The following SGO2 variants were observed in gnomAD, a reference collection of about 807,000 sequenced individuals.
The protein encoded by SGO2 is shugoshin 2, also known as shugoshin-like 2.
Under a neutral mutation model 99.5 loss-of-function variants are expected in SGO2, and 68 were observed. The observed-to-expected ratio is 0.68, with a 90% CI of 0.56 to 0.84. The LOEUF is 0.84. Ranked by LOEUF, SGO2 falls within the 40% of genes least tolerant of loss-of-function variation. The probability of loss-of-function intolerance (pLI) is 0.00; values close to 1 mark genes in which losing one functional copy is unlikely to be tolerated. For missense variants in SGO2, 1,350 were observed against 1,436.7 expected (o/e 0.94, Z 0.97); for synonymous variants, 457 against 487.1 (o/e 0.94, Z 0.81).
At chr2:200,576,302 G>A (rs2033661228) in intron 8 of SGO2, among the ~76,000 whole-genome samples, 1 of 150,956 alleles carries the variant, frequency 6.6e-6, no homozygotes, top group South Asian at 2.1e-4. Context: ...TAGACCAGAT[G>A]TGGTGGCTCA....
intron 8 of SGO2, among the ~76,000 whole-genome samples, chr2:200,578,216 A>T (rs2033730054): frequency 2.2e-5 from 3 of 136,390 alleles, no homozygotes; most frequent in Non-Finnish European, 4.8e-5. Context: ...TCTATAGATG[A>T]AAGTCCAATG....
At position 200,527,773 on chromosome 2, in the gene SGO2, C is replaced by T. The variant is rs901280840; in HGVS notation, c.-3+1521C>T. Among the ~76,000 whole-genome samples the T allele has an allele frequency of 2.6e-4, 40 of 152,098 alleles. 1 individual carries two copies. Among genetic ancestry groups the T allele is most frequent in the Non-Finnish European group, 5.9e-5 (4 of 68,030 alleles). Reference sequence around the variant, plus strand: ...AACAAATTTGACAAAAGTTTATGCCCTCATTGAACTTACAATTTAGTAGGA... The same window carrying T: ...AACAAATTTGACAAAAGTTTATGCCTTCATTGAACTTACAATTTAGTAGGA... On this transcript the variant is annotated intron_variant, in intron 1 of 8. Coordinates refer to ENST00000357799, the MANE Select transcript of SGO2 (RefSeq NM_152524.6).
At position 200,580,338 on chromosome 2, in the gene SGO2, A is replaced by G. The variant is rs550275713; in HGVS notation, c.3783-3111A>G. Among the ~76,000 whole-genome samples the G allele has an allele frequency of 1.2e-4, 19 of 152,024 alleles. No individual in the cohort carries two copies. The highest frequency in any genetic ancestry group is 1.2e-3 in the South Asian group (6 of 4,804). ...GTTCTTTTTCTCTTTTTCTTGATCA[A>G]ATTAGGTAGTAGTTTATTTATTAAC... is the stretch of plus-strand genomic sequence containing the variant. On this transcript the variant is annotated intron_variant, in intron 8 of 8. Transcript: ENST00000357799.
At chr2:200,542,486 A>T in intron 4 of SGO2, 93 bp from the exon 5 acceptor site, 1 of 861,224 alleles carries the variant, frequency 1.2e-6, no homozygotes. Context: ...TTGTTCTTTT[A>T]CTATTAATGT....
chr2:200,567,946 A>G (rs2033254221), intron 5 of SGO2, among the ~76,000 whole-genome samples: 1 of 152,234 alleles, frequency 6.6e-6, no homozygotes, highest in South Asian at 2.1e-4. Flanking sequence ...GTGTGGACAT[A>G]CATTTTCAGT....
chr2:200,544,229 T>C (rs550736820), intron 5 of SGO2, among the ~76,000 whole-genome samples: 32 of 152,342 alleles, frequency 2.1e-4, no homozygotes, highest in African/African-American at 7.5e-4. Flanking sequence ...ATTGTATGAT[T>C]ATACTACAAT....
chr2:200,583,444 TGCAG>T lies in SGO2; in HGVS notation c.3783-4_3783-1del. ...TATTAATCTTCCTTTTTTTCTACTT[TGCAG>T]CAAGATGAGAAGATGAAGTGAATTT... On this transcript the variant is annotated splice_acceptor_variant and splice_polypyrimidine_tract_variant and intron_variant, in intron 8 of 8. Coordinates refer to ENST00000357799, the MANE Select transcript of SGO2 (RefSeq NM_152524.6). LOFTEE classifies it high-confidence loss of function. The T allele has an allele frequency of 6.3e-7, 1 of 1,583,878 alleles. No homozygotes were observed.
intron 1 of SGO2, among the ~76,000 whole-genome samples, chr2:200,530,470 A>ACT (rs2031318352): frequency 1.3e-5 from 2 of 152,256 alleles, no homozygotes; most frequent in Admixed American, 1.3e-4. Context: ...AGCTGGATAC[A>ACT]TGAATCCAGT....
chr2:200,548,498 C>A (rs187896666), intron 5 of SGO2, among the ~76,000 whole-genome samples: 1 of 151,892 alleles, frequency 6.6e-6, no homozygotes, highest in East Asian at 1.9e-4. Context: ...GCAATAAATG[C>A]GTATATCAAA....
intron 1 of SGO2, among the ~76,000 whole-genome samples, chr2:200,528,654 T>C (rs2031219936): frequency 6.6e-6 from 1 of 152,110 alleles, no homozygotes; most frequent in African/African-American, 2.4e-5. Flanking sequence ...AAAGTCTAGA[T>C]TGGGAACACA....
In SGO2 at chr2:200,571,743, A is replaced by T; in HGVS notation, c.1397A>T (p.Gln466Leu). Residue 466 changes from glutamine to leucine, a missense_variant, in exon 7 of 9, where the codon CAG (glutamine) becomes CTG (leucine). Coordinates refer to ENST00000357799, the MANE Select transcript of SGO2 (RefSeq NM_152524.6). ...GCTCAGATGAATGAACAGCTGGCTCAGGTGAATGAACTAAAGAAAATGACC... is the reference window on the plus strand; with the variant it reads ...GCTCAGATGAATGAACAGCTGGCTCTGGTGAATGAACTAAAGAAAATGACC... ...QLAQMNEQLAQVNELKKMTLQ... is the reference protein window; with the variant it reads ...QLAQMNEQLALVNELKKMTLQ... The T allele has an allele frequency of 1.9e-6, 3 of 1,613,742 alleles. No homozygotes were observed. Among genetic ancestry groups the T allele is most frequent in the Non-Finnish European group, 1.7e-6 (2 of 1,179,714 alleles).
At chr2:200,533,547 G>GTGTATATA (rs1396628320) in intron 2 of SGO2, among the ~76,000 whole-genome samples, 3 of 143,052 alleles carry the variant, frequency 2.1e-5, no homozygotes, top group Admixed American at 1.4e-4. Context: ...GTGTGTGTGT[G>GTGTATATA]TATACATGTG....
In SGO2 at chr2:200,572,360, CT is replaced by C; in HGVS notation, c.2017del (p.Ser673LeufsTer44). The C allele has an allele frequency of 5.0e-6, 8 of 1,612,338 alleles. No homozygotes were observed. Among genetic ancestry groups the C allele is most frequent in the Non-Finnish European group, 6.8e-6 (8 of 1,179,368 alleles). ...EVSKELQIPA[L>X]STRDNENQCD... is the part of the protein sequence containing the mutation. ...TTCCAAAGAGCTTCAAATCCCAGCTCTTTCTACTAGAGATAATGAAAATCAA... is the reference window on the plus strand; with the variant it reads ...TTCCAAAGAGCTTCAAATCCCAGCTCTTCTACTAGAGATAATGAAAATCAA... On this transcript the variant is annotated frameshift_variant, in exon 7 of 9. Coordinates refer to ENST00000357799, the MANE Select transcript of SGO2 (RefSeq NM_152524.6). LOFTEE classifies it high-confidence loss of function.
intron 5 of SGO2, among the ~76,000 whole-genome samples, chr2:200,562,386 T>C (rs1321050595): frequency 1.3e-5 from 2 of 152,210 alleles, no homozygotes; most frequent in Non-Finnish European, 2.9e-5. Context: ...GTATTATTTT[T>C]GAGGGTTCTG....
chr2:200,580,423 C>G (rs949133706), intron 8 of SGO2: 1 of 391,898 alleles, frequency 2.6e-6, no homozygotes, highest in Admixed American at 3.2e-5. Flanking sequence ...TTCTCTACTT[C>G]ACTGACTTCT....
At chr2:200,528,372 A>G (rs2031206209) in intron 1 of SGO2, among the ~76,000 whole-genome samples, 1 of 152,220 alleles carries the variant, frequency 6.6e-6, no homozygotes, top group Admixed American at 6.5e-5. Context: ...TCAAAGTGGT[A>G]GCAGTAGAAA....
At chr2:200,542,543 T>C in intron 4 of SGO2, 36 bp from the exon 5 acceptor site, 1 of 1,526,596 alleles carries the variant, frequency 6.6e-7, no homozygotes, top group South Asian at 1.1e-5. Context: ...TTAATAAGGT[T>C]AGAAACTTTG....
Position 200,583,566 on chromosome 2 carries a change from T to C in SGO2, c.*102T>C. 9.1e-7 allele frequency: 1 copy of C among 1,093,954 alleles called. No homozygotes were observed. Among genetic ancestry groups the C allele is most frequent in the Non-Finnish European group, 1.3e-6 (1 of 773,686 alleles). 67.8% of individuals were successfully genotyped at this position (1,093,954 alleles called of 1,614,324 possible). ...TGAAATGCTTAATGAAAAGGTTTTT[T>C]TTTTGTTTCTTTGGCCTTTCATGGA... On this transcript the variant is annotated 3_prime_UTR_variant, in exon 9 of 9. Transcript: ENST00000357799.
intron 5 of SGO2, among the ~76,000 whole-genome samples, chr2:200,559,538 A>T (rs1296749830): frequency 6.6e-6 from 1 of 152,036 alleles, no homozygotes; most frequent in Non-Finnish European, 1.5e-5. Context: ...CCTCTCTTTT[A>T]AAAAAATAAG....
Sources: allele counts gnomAD v4.1 joint callset (sites outside exome capture counted in the v4.1 genomes callset), GRCh38; gene constraint gnomAD v4.1.1; transcripts MANE v1.5; gene names NCBI Gene and HGNC (gene_info 2026-07-23, HGNC 2026-07-21).